Variants in PUS10 observed in about 807,000 individuals in gnomAD.
The protein encoded by PUS10 is pseudouridine synthase 10.
PUS10 carries 59 observed loss-of-function variants against 75.0 expected under a neutral mutation model. The ratio of observed to expected loss-of-function variants is 0.79; its 90% CI spans 0.64 to 0.98. The LOEUF is 0.98. Among genes scored for constraint, PUS10 ranks in the 50% least tolerant of loss-of-function variants. The probability of loss-of-function intolerance (pLI) is 0.00; values close to 1 mark genes in which losing one functional copy is unlikely to be tolerated. For synonymous variants in PUS10, 219 were observed against 211.6 expected (o/e 1.03, Z -0.30); for missense variants, 650 against 614.4 (o/e 1.06, Z -0.61).
In PUS10 at chr2:60,942,330, C is replaced by T; in HGVS notation, c.*65G>A. On this transcript the variant is annotated 3_prime_UTR_variant, in exon 18 of 18. Coordinates refer to ENST00000316752, the MANE Select transcript of PUS10 (RefSeq NM_144709.4). ...TGGTGGGTAAACAGCCATTTTACGG[C>T]ATGTGCTCCATGGATGTCCACATCA... 3 of 1,329,282 alleles carry T rather than the reference C, an allele frequency of 2.3e-6. No homozygotes were observed. In the South Asian group the frequency reaches 3.5e-5, roughly 16 times the overall value. The allele number at this position is 1,329,282 out of a possible 1,614,324, so 82.3% of individuals were successfully genotyped here.
intron 15 of PUS10, among the ~76,000 whole-genome samples, chr2:60,948,502 C>T (rs780932770): frequency 2.6e-5 from 4 of 152,134 alleles, no homozygotes; most frequent in Non-Finnish European, 5.9e-5. Context: ...GCTGGGATTA[C>T]AGGTGTGCTC....
In PUS10 at chr2:61,013,813, T is replaced by C. The variant is rs1188299642; in HGVS notation, c.-15-1908A>G. On this transcript the variant is annotated intron_variant, in intron 1 of 17. Coordinates refer to ENST00000316752, the MANE Select transcript of PUS10 (RefSeq NM_144709.4). ...GCTGAGGTGGGCAGATCACTTGAGG[T>C]CAGGAGTTCAAGACCAGCCTGACCA... 1.1e-4 allele frequency among the ~76,000 whole-genome samples: 16 copies of C among 149,046 alleles called. No homozygotes were observed. In the Admixed American group the frequency reaches 1.1e-3, roughly 10 times the overall value.
At chr2:61,017,978 T>A (rs1217197531) in intron 1 of PUS10, 30 bp downstream of exon 1, 1 of 1,317,510 alleles carries the variant, frequency 7.6e-7, no homozygotes, top group Non-Finnish European at 1.0e-6. Context: ...ACCTTGGGGA[T>A]AGGGGCCGAG....
At position 61,016,292 on chromosome 2, in the gene PUS10, G is replaced by A. The variant is rs185481742; in HGVS notation, c.-16+1716C>T. On this transcript the variant is annotated intron_variant, in intron 1 of 17. Coordinates refer to ENST00000316752, the MANE Select transcript of PUS10 (RefSeq NM_144709.4). ...CTTTTGAATGTGTGTTAATAAACGA[G>A]CTATGAATTTACAAACCTCTCAACA... 2.6e-5 allele frequency among the ~76,000 whole-genome samples: 4 copies of A among 152,280 alleles called. No individual in the cohort carries two copies. In the East Asian group the frequency reaches 5.8e-4, roughly 22 times the overall value.
chr2:60,954,277 G>A, intron 12 of PUS10, 119 bp from the exon 13 acceptor site: 2 of 818,118 alleles, frequency 2.4e-6, no homozygotes, highest in South Asian at 3.1e-5. Context: ...TGAAAGTTTA[G>A]TGACATGACT....
intron 15 of PUS10, among the ~76,000 whole-genome samples, chr2:60,948,533 G>C (rs1675131940): frequency 6.6e-6 from 1 of 152,054 alleles, no homozygotes; most frequent in Non-Finnish European, 1.5e-5. Flanking sequence ...CGTCGAGTTT[G>C]CGTGTTTTAG....
intron 11 of PUS10, among the ~76,000 whole-genome samples, chr2:60,957,891 A>G (rs1412331884): frequency 6.6e-6 from 1 of 152,270 alleles, no homozygotes; most frequent in Non-Finnish European, 1.5e-5. Context: ...GCACAGGTGC[A>G]CAACCCCACA....
At chr2:60,978,570 T>C (rs1558932141) in intron 4 of PUS10, among the ~76,000 whole-genome samples, 1 of 151,842 alleles carries the variant, frequency 6.6e-6, no homozygotes. Flanking sequence ...TGAGGATGTG[T>C]GGCTGGGAAA....
chr2:61,003,488 A>C (rs1422951861), intron 4 of PUS10, among the ~76,000 whole-genome samples: 1 of 151,960 alleles, frequency 6.6e-6, no homozygotes, highest in Non-Finnish European at 1.5e-5. Flanking sequence ...AATTGCTGTC[A>C]TCAGAAAGGG....
At chr2:60,981,072 T>C (rs1366121183) in intron 4 of PUS10, among the ~76,000 whole-genome samples, 1 of 151,932 alleles carries the variant, frequency 6.6e-6, no homozygotes, top group Non-Finnish European at 1.5e-5. Flanking sequence ...TGTATTTTTT[T>C]AGTAGAGATG....
At chr2:60,951,888 AAT>A (rs1394831917) in intron 15 of PUS10, among the ~76,000 whole-genome samples, 3 of 152,242 alleles carry the variant, frequency 2.0e-5, no homozygotes. Context: ...TCAATGGCTG[AAT>A]AGTAGTGGTC....
intron 4 of PUS10, among the ~76,000 whole-genome samples, chr2:60,982,105 G>C (rs1252966474): frequency 6.6e-6 from 1 of 151,354 alleles, no homozygotes; most frequent in Non-Finnish European, 1.5e-5. Context: ...AAAAAATAAA[G>C]AGGCCTCTAA....
intron 4 of PUS10, among the ~76,000 whole-genome samples, chr2:60,982,577 C>A (rs972312217): frequency 4.6e-5 from 7 of 152,028 alleles, no homozygotes; most frequent in African/African-American, 1.4e-4. Context: ...AGAACAATAA[C>A]TTTTAATAGA....
chr2:60,957,431 C>A lies in PUS10; in HGVS notation c.1001-2357G>T, dbSNP rs540808614. On this transcript the variant is annotated intron_variant, in intron 11 of 17. Transcript: ENST00000316752. The stretch of plus-strand genomic sequence containing the variant: ...CTAGTGGGGGAACATGTAGTACCCC[C>A]AGCCCAGGCACTGTGGTGCCCAGAG... 1.2e-4 allele frequency among the ~76,000 whole-genome samples: 18 copies of A among 152,350 alleles called. 1 individual carries two copies. In the South Asian group the frequency reaches 3.7e-3, roughly 32 times the overall value.
At chr2:60,979,126 TACAC>T (rs1487233684) in intron 4 of PUS10, among the ~76,000 whole-genome samples, 9 of 147,470 alleles carry the variant, frequency 6.1e-5, no homozygotes, top group African/African-American at 2.4e-4. Flanking sequence ...CACATACACA[TACAC>T]ATACACATAC....
chr2:60,990,131 C>T lies in PUS10; in HGVS notation c.468+16426G>A, dbSNP rs552491058. Among the ~76,000 whole-genome samples, 4 of 152,098 alleles carry T rather than the reference C, an allele frequency of 2.6e-5. No individual in the cohort carries two copies. The East Asian group carries it at 7.7e-4, about 29-fold the overall frequency. ...AGAATAGGATCCTATTTTTCTAAAACACCCATACACATACTCACACGCACG... is the reference window on the plus strand; with the variant it reads ...AGAATAGGATCCTATTTTTCTAAAATACCCATACACATACTCACACGCACG... On this transcript the variant is annotated intron_variant, in intron 4 of 17. Coordinates refer to ENST00000316752, the MANE Select transcript of PUS10 (RefSeq NM_144709.4).
Position 60,961,534 on chromosome 2 carries a change from G to T in PUS10, c.803C>A (p.Pro268His). The change falls in exon 10 of 18, where the codon CCT becomes CAT. Residue 268 changes from proline to histidine, a missense_variant. Transcript: ENST00000316752. ...GCATACAGCCTTTGGTGAGTTTGGAGGACAAGGAAACTGCCTGCAAAACAA... is the reference window on the plus strand; with the variant it reads ...GCATACAGCCTTTGGTGAGTTTGGATGACAAGGAAACTGCCTGCAAAACAA... ...EEDFLKQFPCPPNSPKAVCAV... is the reference protein window; with the variant it reads ...EEDFLKQFPCHPNSPKAVCAV... 3 of 1,613,832 alleles carry T rather than the reference G, an allele frequency of 1.9e-6. No homozygotes were observed. Among genetic ancestry groups the T allele is most frequent in the Non-Finnish European group, 2.5e-6 (3 of 1,179,774 alleles).
intron 1 of PUS10, chr2:61,017,721 G>A (rs1423356013): frequency 3.9e-6 from 6 of 1,521,398 alleles, no homozygotes; most frequent in Admixed American, 2.0e-5. Flanking sequence ...GGCCTGGACA[G>A]TCAGGGGTAG....
chr2:61,004,964 G>T (rs1156740256), intron 4 of PUS10, among the ~76,000 whole-genome samples: 1 of 152,104 alleles, frequency 6.6e-6, no homozygotes, highest in African/African-American at 2.4e-5. Flanking sequence ...TTTAAAAACA[G>T]TATCTTCTGG....
Sources: gnomAD v4.1 joint callset for allele counts (sites outside exome capture counted in the v4.1 genomes callset) on GRCh38, gnomAD v4.1.1 for gene constraint, MANE v1.5 for transcripts, NCBI Gene and HGNC (gene_info 2026-07-23, HGNC 2026-07-21) for gene names.